CACNA1B: variants seen among roughly 807,000 people sequenced by gnomAD.
CACNA1B encodes the protein voltage-dependent N-type calcium channel subunit alpha-1B.
CACNA1B carries 70 observed loss-of-function variants against 247.2 expected under a neutral mutation model. The ratio of observed to expected loss-of-function variants is 0.28; its 90% CI spans 0.23 to 0.35. CACNA1B has a LOEUF of 0.35. Ranked by LOEUF, CACNA1B falls within the 10% of genes least tolerant of loss-of-function variation. The pLI, the probability that CACNA1B is intolerant of heterozygous loss-of-function variation, is 1.00. For missense variants in CACNA1B, 2,367 were observed against 3,197.4 expected (o/e 0.74, Z 6.26); for synonymous variants, 1,231 against 1,294.4 (o/e 0.95, Z 1.05).
At chr9:138,085,776 T>A (rs908845305) in intron 36 of CACNA1B, among the ~76,000 whole-genome samples, 2 of 151,184 alleles carry the variant, frequency 1.3e-5, no homozygotes, top group African/African-American at 4.9e-5. Flanking sequence ...AAACTGTCAG[T>A]CAAGAATACT....
chr9:137,907,212 G>A (rs1010068590), intron 3 of CACNA1B, among the ~76,000 whole-genome samples: 1 of 152,164 alleles, frequency 6.6e-6, no homozygotes, highest in Admixed American at 6.5e-5. Context: ...CCATGTTAAC[G>A]TGCATAGGCT....
Position 137,984,238 on chromosome 9 carries a change from T to A in CACNA1B, c.1757T>A (p.Phe586Tyr). 1 of 1,591,130 alleles carries A rather than the reference T, an allele frequency of 6.3e-7. No homozygotes were observed. Among genetic ancestry groups the A allele is most frequent in the African/African-American group, 1.3e-5 (1 of 74,684 alleles). Residue 586 changes from phenylalanine (F) to tyrosine (Y), a missense_variant, in exon 13 of 47, where the codon TTC becomes TAC. By Grantham distance (22) the Phe-to-Tyr change is conservative. Transcript: ENST00000371372. ...CGGGCCCTCCGCCTGCTGAGGATCT[T>A]CAAAGTCACGAAGTACGTCCCCTGC... ...VLRALRLLRI[F>Y]KVTKYWSSLR...
In CACNA1B at chr9:137,913,566, A is replaced by T. The variant is rs926750001; in HGVS notation, c.622+295A>T. Among the ~76,000 whole-genome samples, 1 of 151,998 alleles carries T rather than the reference A, an allele frequency of 6.6e-6. No individual in the cohort carries two copies. Among genetic ancestry groups the T allele is most frequent in the Non-Finnish European group, 1.5e-5 (1 of 68,010 alleles). On this transcript the variant is annotated intron_variant, in intron 4 of 46. Transcript: ENST00000371372. The surrounding 1 kb of genome is among the most constrained non-coding windows in gnomAD (Gnocchi z 5.2). ...TTTCAGCATTTTGCTTCTTTTTCTGAGGGTAAAGAATGGATGAGAGGTTGA... is the reference window on the plus strand; with the variant it reads ...TTTCAGCATTTTGCTTCTTTTTCTGTGGGTAAAGAATGGATGAGAGGTTGA...
At chr9:138,106,995 C>A (rs1655182874) in intron 39 of CACNA1B, among the ~76,000 whole-genome samples, 1 of 152,086 alleles carries the variant, frequency 6.6e-6, no homozygotes, top group African/African-American at 2.4e-5. Flanking sequence ...TTTGCATTTT[C>A]TTCTCTTTGA....
At chr9:137,918,745 C>A (rs1284720208) in intron 6 of CACNA1B, among the ~76,000 whole-genome samples, 1 of 152,180 alleles carries the variant, frequency 6.6e-6, no homozygotes, top group African/African-American at 2.4e-5. Flanking sequence ...CAGGCATTTG[C>A]TAAATGCTTA....
At position 137,971,653 on chromosome 9, in the gene CACNA1B, C is replaced by A. The variant is rs1958151479; in HGVS notation, c.1543+61C>A. 4 of 1,444,032 alleles carry A rather than the reference C, an allele frequency of 2.8e-6. No individual in the cohort carries two copies. Among genetic ancestry groups the A allele is most frequent in the Admixed American group, 3.8e-5 (2 of 53,270 alleles). 89.5% of individuals were successfully genotyped at this position (1,444,032 alleles called of 1,614,324 possible). On this transcript the variant is annotated intron_variant, in intron 11 of 46. Transcript: ENST00000371372. The surrounding 1 kb of genome is among the most constrained non-coding windows in gnomAD (Gnocchi z 4.4). ...AGCATCTCTGCTCTCAGTCTGGAAACCCTGGTCCATGCCCTGGGGCTACCC... is the reference window on the plus strand; with the variant it reads ...AGCATCTCTGCTCTCAGTCTGGAAAACCTGGTCCATGCCCTGGGGCTACCC...
intron 20 of CACNA1B, among the ~76,000 whole-genome samples, chr9:138,028,551 A>G (rs1589078938): frequency 6.6e-6 from 1 of 152,200 alleles, no homozygotes; most frequent in Admixed American, 6.5e-5. Context: ...AAAAACATCC[A>G]TACGATTCCC....
chr9:138,106,623 G>A (rs531111000), intron 39 of CACNA1B, among the ~76,000 whole-genome samples: 1 of 152,222 alleles, frequency 6.6e-6, no homozygotes, highest in East Asian at 1.9e-4. Context: ...CAAAAATTAG[G>A]TGGGCGTGGT....
intron 3 of CACNA1B, among the ~76,000 whole-genome samples, chr9:137,893,301 CAA>C (rs1237557291): frequency 1.5e-5 from 2 of 130,420 alleles, no homozygotes. Flanking sequence ...GTTTTAATAA[CAA>C]TAATTTTATA....
chr9:138,021,463 G>A (rs1208114439), intron 18 of CACNA1B, among the ~76,000 whole-genome samples: 8 of 152,250 alleles, frequency 5.3e-5, no homozygotes, highest in East Asian at 1.9e-4. Context: ...GGGGTGGGCC[G>A]GCTGCAGGGA....
chr9:138,057,900 G>A lies in CACNA1B; in HGVS notation c.4106+31G>A, dbSNP rs1959572554. 12 of 1,594,528 alleles carry A rather than the reference G, an allele frequency of 7.5e-6. No individual in the cohort carries two copies. Among genetic ancestry groups the A allele is most frequent in the Non-Finnish European group, 1.0e-5 (12 of 1,165,898 alleles). The stretch of plus-strand genomic sequence containing the variant: ...TGCTCATCCTGCTCTCCGTAGCTGG[G>A]GCAGGCAGCCCCTGAGCTCGGCCTC... On this transcript the variant is annotated intron_variant, in intron 27 of 46. Transcript: ENST00000371372. The surrounding 1 kb of genome is among the most constrained non-coding windows in gnomAD (Gnocchi z 4.0).
At chr9:138,067,493 A>G (rs1373618991) in intron 31 of CACNA1B, among the ~76,000 whole-genome samples, 1 of 152,204 alleles carries the variant, frequency 6.6e-6, no homozygotes, top group Non-Finnish European at 1.5e-5. Flanking sequence ...CTGAGGTCAG[A>G]AGTTCGAGAC....
At position 137,990,993 on chromosome 9, in the gene CACNA1B, C is replaced by T. The variant is rs1958425804; in HGVS notation, c.1974+4139C>T. The stretch of plus-strand genomic sequence containing the variant: ...CCCTCTGGTTCCAAATGAGAAGGAA[C>T]CAGGAAAACAATTCTGGTAATATGA... On this transcript the variant is annotated intron_variant, in intron 15 of 46. Coordinates refer to ENST00000371372, the MANE Select transcript of CACNA1B (RefSeq NM_000718.4). The surrounding 1 kb of genome is among the most constrained non-coding windows in gnomAD (Gnocchi z 4.5). 6.6e-6 allele frequency among the ~76,000 whole-genome samples: 1 copy of T among 152,108 alleles called. No individual in the cohort carries two copies. The highest frequency in any genetic ancestry group is 2.4e-5 in the African/African-American group (1 of 41,410).
At chr9:138,055,166 G>C (rs1456448753) in intron 26 of CACNA1B, among the ~76,000 whole-genome samples, 1 of 119,984 alleles carries the variant, frequency 8.3e-6, no homozygotes, top group South Asian at 2.6e-4. Flanking sequence ...TCACACTTTT[G>C]CCCAGGCTGG....
chr9:138,056,933 GTTTTT>G (rs138277172), intron 26 of CACNA1B, among the ~76,000 whole-genome samples: 2 of 113,496 alleles, frequency 1.8e-5, no homozygotes, highest in Non-Finnish European at 3.4e-5. Context: ...TTTTATTTGG[GTTTTT>G]TTTTTTTTTT....
At chr9:138,024,684 A>G (rs940474670) in intron 19 of CACNA1B, among the ~76,000 whole-genome samples, 9 of 152,142 alleles carry the variant, frequency 5.9e-5, no homozygotes, top group Non-Finnish European at 8.8e-5. Context: ...GGTGGAGTGC[A>G]GTGGCGCAAT....
intron 3 of CACNA1B, among the ~76,000 whole-genome samples, chr9:137,908,755 C>T (rs545205317): frequency 2.6e-5 from 4 of 151,222 alleles, no homozygotes; most frequent in South Asian, 2.1e-4. Context: ...CTCAGCCTTC[C>T]GAGTAGCTGG....
intron 8 of CACNA1B, 64 bp from the exon 9 acceptor site, chr9:137,956,707 C>G: frequency 7.3e-7 from 1 of 1,370,692 alleles, no homozygotes. Flanking sequence ...CAGAGATGTG[C>G]CTCTGTCCTG....
intron 36 of CACNA1B, among the ~76,000 whole-genome samples, chr9:138,078,775 T>C (rs1960415363): frequency 1.3e-5 from 2 of 152,102 alleles, no homozygotes; most frequent in South Asian, 4.1e-4. Context: ...GGGGCAACAG[T>C]GGCCTGGAGA....
Sources: allele counts gnomAD v4.1 joint callset (sites outside exome capture counted in the v4.1 genomes callset), GRCh38; gene constraint gnomAD v4.1.1; non-coding constraint Gnocchi (gnomAD v3.1); transcripts MANE v1.5; gene names NCBI Gene and HGNC (gene_info 2026-07-23, HGNC 2026-07-21).